The following CYP46A1 variants were observed in gnomAD, a reference collection of about 807,000 sequenced individuals.
CYP46A1 encodes the protein cytochrome P450 family 46 subfamily A member 1.
In CYP46A1, 20 loss-of-function variants were observed where a neutral mutation model predicts 63.3. The ratio of observed to expected loss-of-function variants is 0.32; its 90% CI spans 0.22 to 0.46. CYP46A1 has a LOEUF of 0.46. Ranked by LOEUF, CYP46A1 falls within the 20% of genes least tolerant of loss-of-function variation. CYP46A1 has a pLI of 1.00. For missense variants in CYP46A1, 445 were observed against 670.8 expected (o/e 0.66, Z 3.72); for synonymous variants, 268 against 273.6 (o/e 0.98, Z 0.20).
chr14:99,684,580 G>C (rs1243615681), intron 1 of CYP46A1, 44 bp downstream of exon 1: 24 of 1,386,960 alleles, frequency 1.7e-5, no homozygotes, highest in East Asian at 1.1e-4. Context: ...TGCTGGGACT[G>C]GGGGCCTGGG....
chr14:99,719,671 T>G (rs901714001), intron 10 of CYP46A1, among the ~76,000 whole-genome samples: 1 of 152,174 alleles, frequency 6.6e-6, no homozygotes, highest in Non-Finnish European at 1.5e-5. Context: ...ATTTGTCTTT[T>G]TTGTGACTGG....
chr14:99,726,402 C>G, intron 14 of CYP46A1, 146 bp downstream of exon 14: 1 of 1,159,634 alleles, frequency 8.6e-7, no homozygotes, highest in Non-Finnish European at 1.2e-6. Flanking sequence ...AGAGGACTGG[C>G]TGTGTTTTGC....
At chr14:99,704,359 G>GT in intron 5 of CYP46A1, among the ~76,000 whole-genome samples, 1 of 152,214 alleles carries the variant, frequency 6.6e-6, no homozygotes, top group Non-Finnish European at 1.5e-5. Flanking sequence ...AGATGCCTGT[G>GT]TTTATGAAAG....
chr14:99,717,946 G>A, intron 9 of CYP46A1, 108 bp from the exon 10 acceptor site: 1 of 835,514 alleles, frequency 1.2e-6, no homozygotes, highest in Non-Finnish European at 1.9e-6. Flanking sequence ...GATGCCTGGG[G>A]GCACATGCCA....
chr14:99,700,888 G>T (rs1439845100), intron 5 of CYP46A1, among the ~76,000 whole-genome samples: 1 of 152,172 alleles, frequency 6.6e-6, no homozygotes, highest in Non-Finnish European at 1.5e-5. Flanking sequence ...GCCTGTTATT[G>T]CCCCTGAAGA....
At chr14:99,716,092 G>T in intron 8 of CYP46A1, 45 bp from the exon 9 acceptor site, 1 of 1,612,900 alleles carries the variant, frequency 6.2e-7, no homozygotes, top group Non-Finnish European at 8.5e-7. Context: ...CATGGGGAAA[G>T]GGAGCAAAGA....
At chr14:99,724,979 A>C (rs2056882324) in intron 12 of CYP46A1, among the ~76,000 whole-genome samples, 1 of 152,100 alleles carries the variant, frequency 6.6e-6, no homozygotes. Flanking sequence ...ACTGAATATA[A>C]CAGTTCTCGG....
chr14:99,690,815 C>T (rs527621269), intron 1 of CYP46A1, among the ~76,000 whole-genome samples: 2 of 152,238 alleles, frequency 1.3e-5, no homozygotes, highest in South Asian at 4.1e-4. Flanking sequence ...TTATTGAGTC[C>T]TTTCTATCTG....
At position 99,718,048 on chromosome 14, in the gene CYP46A1, C is replaced by T; in HGVS notation, c.908-6C>T. 6.2e-7 allele frequency: 1 copy of T among 1,613,316 alleles called. No homozygotes were observed. The highest frequency in any genetic ancestry group is 8.5e-7 in the Non-Finnish European group (1 of 1,179,332). ...GTGGAGCAACCACCGTCCTCCCTTC[C>T]CACAGGTCACGAGACCTCTGCCAAC... On this transcript the variant is annotated splice_polypyrimidine_tract_variant and splice_region_variant and intron_variant, in intron 9 of 14. Transcript: ENST00000261835.
At chr14:99,698,930 A>G (rs966202546) in intron 3 of CYP46A1, among the ~76,000 whole-genome samples, 1 of 151,998 alleles carries the variant, frequency 6.6e-6, no homozygotes, top group African/African-American at 2.4e-5. Context: ...CATTTCATAC[A>G]TTTCCCAGGT....
chr14:99,709,640 C>T (rs539178727), intron 7 of CYP46A1: 36 of 152,276 alleles, frequency 2.4e-4, no homozygotes, highest in African/African-American at 8.7e-4. Context: ...TAGCTGAAAA[C>T]TTCTCAAGTC....
rs149384147 is a variant in CYP46A1, at chr14:99,707,279, A to G, written c.583-289A>G. Among the ~76,000 whole-genome samples, 83 of 152,310 alleles carry G rather than the reference A, an allele frequency of 5.4e-4. 3 individuals carry two copies. The South Asian group carries it at 0.014, about 27-fold the overall frequency. On this transcript the variant is annotated intron_variant, in intron 6 of 14. Transcript: ENST00000261835. Reference sequence around the variant, plus strand: ...ATCATTTTTGCTATCCATTCACTTCACTGTGAAGCTAGTATAGAATGAACA... The same window carrying G: ...ATCATTTTTGCTATCCATTCACTTCGCTGTGAAGCTAGTATAGAATGAACA...
At chr14:99,685,514 C>T (rs1486603556) in intron 1 of CYP46A1, among the ~76,000 whole-genome samples, 1 of 151,900 alleles carries the variant, frequency 6.6e-6, no homozygotes, top group Non-Finnish European at 1.5e-5. Context: ...TTGACTGTCT[C>T]CCCCTCTAGA....
At chr14:99,717,952 T>C in intron 9 of CYP46A1, 102 bp from the exon 10 acceptor site, 1 of 893,054 alleles carries the variant, frequency 1.1e-6, no homozygotes, top group Non-Finnish European at 1.8e-6. Flanking sequence ...TGGGGGCACA[T>C]GCCATTTACA....
chr14:99,687,640 T>G (rs1048391150), intron 1 of CYP46A1, among the ~76,000 whole-genome samples: 6 of 152,212 alleles, frequency 3.9e-5, no homozygotes, highest in African/African-American at 1.4e-4. Flanking sequence ...CACTGTGGGC[T>G]CTCCAGATGG....
At position 99,707,693 on chromosome 14, in the gene CYP46A1, C is replaced by A. The variant is rs377304188; in HGVS notation, c.693+15C>A. 3.7e-6 allele frequency: 6 copies of A among 1,610,884 alleles called. No individual in the cohort carries two copies. Among genetic ancestry groups the A allele is most frequent in the African/African-American group, 2.7e-5 (2 of 74,860 alleles). Reference sequence around the variant, plus strand: ...CTCTGGCAAAGGTACTGCCTCAGCACCCCCTCTGGTGACCAGCCACCAGAG... The same window carrying A: ...CTCTGGCAAAGGTACTGCCTCAGCAACCCCTCTGGTGACCAGCCACCAGAG... On this transcript the variant is annotated intron_variant, in intron 7 of 14. Coordinates refer to ENST00000261835, the MANE Select transcript of CYP46A1 (RefSeq NM_006668.2).
At chr14:99,702,366 T>C (rs1350214850) in intron 5 of CYP46A1, among the ~76,000 whole-genome samples, 1 of 152,220 alleles carries the variant, frequency 6.6e-6, no homozygotes, top group Non-Finnish European at 1.5e-5. Flanking sequence ...TAATGGACTT[T>C]TGGGCTGTTT....
chr14:99,717,323 C>T (rs1480152267), intron 9 of CYP46A1, among the ~76,000 whole-genome samples: 4 of 152,120 alleles, frequency 2.6e-5, no homozygotes, highest in Admixed American at 1.3e-4. Context: ...GCCGAGGGCA[C>T]GGTGGGTTGT....
intron 1 of CYP46A1, among the ~76,000 whole-genome samples, chr14:99,689,310 G>T (rs2056523178): frequency 6.6e-6 from 1 of 152,176 alleles, no homozygotes; most frequent in South Asian, 2.1e-4. Context: ...GGAGGTGGGG[G>T]ATGATCCCAG....
Sources: gnomAD v4.1 joint callset for allele counts (sites outside exome capture counted in the v4.1 genomes callset) on GRCh38, gnomAD v4.1.1 for gene constraint, MANE v1.5 for transcripts, NCBI Gene and HGNC (gene_info 2026-07-23, HGNC 2026-07-21) for gene names.